Variants in MPDZ observed in about 807,000 individuals in gnomAD.
The protein encoded by MPDZ is multiple PDZ domain crumbs cell polarity complex component, also known as multiple PDZ domain protein.
Under a neutral mutation model 239.1 loss-of-function variants are expected in MPDZ, and 234 were observed. The ratio of observed to expected loss-of-function variants is 0.98; its 90% CI spans 0.88 to 1.09. MPDZ has a LOEUF of 1.09. Ranked by LOEUF, MPDZ falls within the 50% of genes least tolerant of loss-of-function variation. The pLI, the probability that MPDZ is intolerant of heterozygous loss-of-function variation, is 0.00. For missense variants in MPDZ, 3,175 were observed against 2,510.0 expected, an observed-to-expected ratio of 1.26 and a Z score of -5.66; for synonymous variants, 1,048 against 881.3, an observed-to-expected ratio of 1.19 and a Z score of -3.35.
intron 21 of MPDZ, among the ~76,000 whole-genome samples, chr9:13,171,901 T>C (rs1309125112): frequency 6.6e-6 from 1 of 152,166 alleles, no homozygotes; most frequent in Admixed American, 6.5e-5. Context: ...AGCTCATTGA[T>C]AGACCTCTTC....
At chr9:13,195,344 A>G (rs913134183) in intron 13 of MPDZ, among the ~76,000 whole-genome samples, 7 of 152,202 alleles carry the variant, frequency 4.6e-5, no homozygotes, top group Middle Eastern at 6.8e-3. Context: ...TAAATGAAAT[A>G]CTAAGAACAC....
chr9:13,178,258 C>CAAA (rs368605859), intron 19 of MPDZ, among the ~76,000 whole-genome samples: 9 of 116,680 alleles, frequency 7.7e-5, no homozygotes, highest in African/African-American at 1.1e-4. Context: ...GACTGCATCT[C>CAAA]AAAAAAAAAA....
intron 17 of MPDZ, among the ~76,000 whole-genome samples, chr9:13,187,401 G>C (rs1954263119): frequency 6.6e-6 from 1 of 152,102 alleles, no homozygotes; most frequent in South Asian, 2.1e-4. Context: ...CTGTCCAACA[G>C]AAAGACCAGA....
At chr9:13,278,008 C>T (rs969393219) in intron 1 of MPDZ, among the ~76,000 whole-genome samples, 10 of 152,156 alleles carry the variant, frequency 6.6e-5, no homozygotes, top group African/African-American at 2.2e-4. Flanking sequence ...GTAAAACTCC[C>T]AAGCCCGAAA....
At chr9:13,174,842 AC>A (rs532626231) in intron 21 of MPDZ, among the ~76,000 whole-genome samples, 8 of 152,288 alleles carry the variant, frequency 5.3e-5, no homozygotes, top group African/African-American at 1.9e-4. Context: ...TGTTGGTAGT[AC>A]CCCGCCACCA....
intron 24 of MPDZ, among the ~76,000 whole-genome samples, chr9:13,156,651 G>A (rs1196505070): frequency 6.6e-6 from 1 of 152,154 alleles, no homozygotes. Context: ...GATGAGATTT[G>A]GGTGGGGACA....
intron 10 of MPDZ, among the ~76,000 whole-genome samples, chr9:13,213,616 T>C (rs1342997778): frequency 2.0e-5 from 3 of 152,102 alleles, no homozygotes; most frequent in Non-Finnish European, 4.4e-5. Context: ...TTTAAAATGC[T>C]TATATCTTTG....
At position 13,106,973 on chromosome 9, in the gene MPDZ, G is replaced by C. The variant is rs762562059; in HGVS notation, c.6205C>G (p.Leu2069Val). ...CAATTCTGGCAGCCAATTCAAGAGA[G>C]AACCATCAAAGTGACAGTGCCTTTT... ...RTKGTVTLMV[L>V]S Residue 2069 changes from leucine to valine, a missense_variant, in exon 47 of 47, where the codon CTC (leucine) becomes GTC (valine). Physicochemically the swap from Leu to Val is conservative, Grantham distance 32 (BLOSUM62 1). Transcript: ENST00000319217. The C allele has an allele frequency of 6.2e-7, 1 of 1,613,546 alleles. No individual in the cohort carries two copies. Among genetic ancestry groups the C allele is most frequent in the Non-Finnish European group, 8.5e-7 (1 of 1,179,568 alleles).
chr9:13,268,152 T>TTATATA (rs71491605), intron 1 of MPDZ, among the ~76,000 whole-genome samples: 4,951 of 146,864 alleles, frequency 0.034, 125 homozygotes, highest in East Asian at 0.071. Context: ...AAAAGGAAAA[T>TTATATA]TATATATATA....
intron 36 of MPDZ, 47 bp from the exon 37 acceptor site, chr9:13,122,217 G>A: frequency 1.3e-6 from 2 of 1,560,076 alleles, no homozygotes; most frequent in East Asian, 4.5e-5. Context: ...ATTCTCCTAG[G>A]AATGGTGAGC....
chr9:13,115,243 C>T lies in MPDZ; in HGVS notation c.5466+5G>A. 3 of 1,611,040 alleles carry T rather than the reference C, an allele frequency of 1.9e-6. No individual in the cohort carries two copies. Among genetic ancestry groups the T allele is most frequent in the Non-Finnish European group, 2.5e-6 (3 of 1,178,470 alleles). ...ATCGCCCTGATGAACTCCACAGCTA[C>T]CCACCTGGCTGCTTTGAGATGGCCT... On this transcript the variant is annotated splice_donor_5th_base_variant and intron_variant, in intron 40 of 46. Transcript: ENST00000319217.
chr9:13,218,388 TG>T (rs1958637583), intron 8 of MPDZ, among the ~76,000 whole-genome samples: 1 of 151,828 alleles, frequency 6.6e-6, no homozygotes, highest in South Asian at 2.1e-4. Context: ...GCTTCAGAAA[TG>T]ATGATATGCA....
At chr9:13,246,958 T>C (rs1392130369) in intron 3 of MPDZ, among the ~76,000 whole-genome samples, 4 of 152,252 alleles carry the variant, frequency 2.6e-5, no homozygotes, top group Admixed American at 2.6e-4. Context: ...AAAGAACATC[T>C]GACTTCAGTT....
At chr9:13,147,170 T>C (rs1948546565) in intron 26 of MPDZ, among the ~76,000 whole-genome samples, 1 of 151,902 alleles carries the variant, frequency 6.6e-6, no homozygotes, top group African/African-American at 2.4e-5. Context: ...TTCAAGAAAA[T>C]GTCATTTCTT....
At position 13,168,390 on chromosome 9, in the gene MPDZ, T is replaced by G. The variant is rs1301007029; in HGVS notation, c.3230A>C (p.His1077Pro). The G allele has an allele frequency of 6.2e-7, 1 of 1,612,520 alleles. No individual in the cohort carries two copies. The highest frequency in any genetic ancestry group is 8.5e-7 in the Non-Finnish European group (1 of 1,178,936). The change falls in exon 22 of 47, where the codon CAT becomes CCT. Residue 1077 changes from histidine to proline, a missense_variant. Transcript: ENST00000319217. ...NAQARAMLRR[H>P]SLIGPDIKIT... The stretch of plus-strand genomic sequence containing the variant: ...CTTTATGTCAGGGCCAATGAGAGAA[T>G]GTCTTCTCAACATAGCTCGTGCCTG...
At chr9:13,119,001 G>A (rs1943926601) in intron 39 of MPDZ, among the ~76,000 whole-genome samples, 2 of 152,194 alleles carry the variant, frequency 1.3e-5, no homozygotes, top group Admixed American at 1.3e-4. Context: ...GATTTTAAAT[G>A]TCAACTTCAA....
At chr9:13,181,317 C>T (rs1000694731) in intron 19 of MPDZ, among the ~76,000 whole-genome samples, 1 of 152,010 alleles carries the variant, frequency 6.6e-6, no homozygotes, top group African/African-American at 2.4e-5. Context: ...TTGTAAATTC[C>T]ATAACAAATC....
intron 38 of MPDZ, 30 bp from the exon 39 acceptor site, chr9:13,119,679 C>A: frequency 6.2e-7 from 1 of 1,613,528 alleles, no homozygotes; most frequent in Non-Finnish European, 8.5e-7. Flanking sequence ...TCAACATTAT[C>A]TTTTGCTCAA....
chr9:13,263,285 C>T (rs78536060), intron 1 of MPDZ, among the ~76,000 whole-genome samples: 1 of 147,016 alleles, frequency 6.8e-6, no homozygotes. Context: ...ATAACTATTA[C>T]AAAAATAAGG....
Sources: allele counts gnomAD v4.1 joint callset (sites outside exome capture counted in the v4.1 genomes callset), GRCh38; gene constraint gnomAD v4.1.1; transcripts MANE v1.5; gene names NCBI Gene and HGNC (gene_info 2026-07-23, HGNC 2026-07-21).